MSL2: variants seen among roughly 807,000 people sequenced by gnomAD.
MSL2 encodes the protein MSL complex subunit 2.
A neutral mutation model predicts 35.8 loss-of-function variants in MSL2; 2 were observed. That is an observed-to-expected ratio of 0.06 (90% CI 0.02 to 0.18). The LOEUF (loss-of-function observed/expected upper bound fraction) is 0.18, where lower values mean the gene tolerates loss of function less well. Among genes scored for constraint, MSL2 ranks in the 10% least tolerant of loss-of-function variants. The probability of loss-of-function intolerance (pLI) is 1.00; values close to 1 mark genes in which losing one functional copy is unlikely to be tolerated. For missense variants in MSL2, 523 were observed against 706.7 expected (o/e 0.74, Z 2.95); for synonymous variants, 296 against 255.7 (o/e 1.16, Z -1.50).
chr3:136,175,161 T>G (rs766973537), intron 1 of MSL2, among the ~76,000 whole-genome samples: 8 of 151,960 alleles, frequency 5.3e-5, no homozygotes, highest in Non-Finnish European at 1.0e-4. Flanking sequence ...CTGACCAACA[T>G]GGTGAAACCC....
intron 1 of MSL2, among the ~76,000 whole-genome samples, chr3:136,189,167 C>T (rs1021731032): frequency 2.2e-4 from 30 of 135,830 alleles, no homozygotes; most frequent in African/African-American, 8.6e-4. Flanking sequence ...GAGCATGGTA[C>T]CGCACGCCTA....
intron 1 of MSL2, among the ~76,000 whole-genome samples, chr3:136,169,758 G>A (rs533481492): frequency 2.7e-4 from 41 of 151,166 alleles, no homozygotes; most frequent in Admixed American, 1.8e-3. Context: ...CAGCCTCTAC[G>A]TGTTTTGAAA....
At chr3:136,186,073 G>A (rs751583251) in intron 1 of MSL2, among the ~76,000 whole-genome samples, 4 of 152,070 alleles carry the variant, frequency 2.6e-5, no homozygotes, top group Admixed American at 1.3e-4. Flanking sequence ...TCTTTAACTA[G>A]GCTATCCTTA....
chr3:136,175,073 T>C (rs1940133852), intron 1 of MSL2, among the ~76,000 whole-genome samples: 2 of 152,136 alleles, frequency 1.3e-5, no homozygotes, highest in African/African-American at 4.8e-5. Context: ...TGGCTGGGCA[T>C]GGTGGCTCAC....
At chr3:136,154,448 A>G (rs1939459179) in intron 1 of MSL2, among the ~76,000 whole-genome samples, 1 of 152,202 alleles carries the variant, frequency 6.6e-6, no homozygotes, top group Non-Finnish European at 1.5e-5. Flanking sequence ...TACTCTCCAA[A>G]GCTGCAACTG....
intron 1 of MSL2, among the ~76,000 whole-genome samples, chr3:136,180,925 G>C (rs1478526297): frequency 6.6e-6 from 1 of 151,476 alleles, no homozygotes; most frequent in African/African-American, 2.4e-5. Flanking sequence ...GCAGAGGAGG[G>C]TGGATCATCT....
At position 136,151,728 on chromosome 3, in the gene MSL2, T is replaced by C. The variant is rs1275461480; in HGVS notation, c.1153A>G (p.Ile385Val). 3 of 1,614,030 alleles carry C rather than the reference T, an allele frequency of 1.9e-6. No homozygotes were observed. Among genetic ancestry groups the C allele is most frequent in the African/African-American group, 2.7e-5 (2 of 74,922 alleles). ...GTGCCTCCATTGGGAACAGTTGCTA[T>C]AGGTTGAAGAGAAATTTTGCTCTCC... The part of the protein sequence containing the change: ...KRESKISLQP[I>V]ATVPNGGTTP... Residue 385 changes from isoleucine to valine, a missense_variant, in exon 2 of 2, where the codon ATA (isoleucine) becomes GTA (valine). By Grantham distance (29) the Ile-to-Val change is conservative. This residue lies in a region of MSL2 where 361 missense variants were observed against 414.6 expected (regional missense o/e 0.87). Coordinates refer to ENST00000309993, the MANE Select transcript of MSL2 (RefSeq NM_018133.4). This position sits in a 1 kb window ranked among gnomAD's most constrained non-coding sequence, Gnocchi z 5.2.
rs146384161 is a variant in MSL2, at chr3:136,152,186, G to A, written c.695C>T (p.Ser232Phe). 3 of 1,614,144 alleles carry A rather than the reference G, an allele frequency of 1.9e-6. No homozygotes were observed. The highest frequency in any genetic ancestry group is 2.5e-6 in the Non-Finnish European group (3 of 1,180,002). ...NTVDIKTEDLSDSLPPVCDTV... is the reference protein window; with the variant it reads ...NTVDIKTEDLFDSLPPVCDTV... ...GTCACAAACGGGTGGCAGGCTGTCA[G>A]ACAGATCCTCAGTTTTTATGTCAAC... Residue 232 changes from serine (S) to phenylalanine (F), a missense_variant, in exon 2 of 2, where the codon TCT becomes TTT. Transcript: ENST00000309993.
At chr3:136,192,226 G>GCAA (rs1481015038) in intron 1 of MSL2, among the ~76,000 whole-genome samples, 3 of 152,172 alleles carry the variant, frequency 2.0e-5, no homozygotes, top group Admixed American at 6.5e-5. Flanking sequence ...AGTCTGGAGT[G>GCAA]CAGTGGTGCG....
At chr3:136,194,564 C>T in intron 1 of MSL2, 2 of 497,860 alleles carry the variant, frequency 4.0e-6, no homozygotes, top group Non-Finnish European at 5.2e-6. Flanking sequence ...TGGGGAAATG[C>T]AAACACGCCA....
intron 1 of MSL2, among the ~76,000 whole-genome samples, chr3:136,161,932 A>G (rs1318880899): frequency 1.3e-5 from 2 of 151,892 alleles, no homozygotes; most frequent in Non-Finnish European, 2.9e-5. Flanking sequence ...AAAAAAATAC[A>G]TATATATGCA....
At chr3:136,176,237 G>C (rs1017715724) in intron 1 of MSL2, among the ~76,000 whole-genome samples, 1 of 152,122 alleles carries the variant, frequency 6.6e-6, no homozygotes, top group Non-Finnish European at 1.5e-5. Flanking sequence ...TGGCCGGCTG[G>C]GTGTGGTGGC....
intron 1 of MSL2, among the ~76,000 whole-genome samples, chr3:136,189,795 C>A (rs1940631850): frequency 6.6e-6 from 1 of 151,588 alleles, no homozygotes; most frequent in African/African-American, 2.4e-5. Flanking sequence ...TAAAATAGAC[C>A]CTGTTTTAAC....
At chr3:136,186,567 G>C in intron 1 of MSL2, among the ~76,000 whole-genome samples, 1 of 152,158 alleles carries the variant, frequency 6.6e-6, no homozygotes, top group East Asian at 1.9e-4. Flanking sequence ...AGTGGCATTA[G>C]ACTCTCATAG....
intron 1 of MSL2, among the ~76,000 whole-genome samples, chr3:136,181,981 GAAA>G (rs1052502228): frequency 2.0e-5 from 3 of 150,514 alleles, no homozygotes; most frequent in South Asian, 4.2e-4. Flanking sequence ...GTGGGCTGAA[GAAA>G]AAAAAATTTT....
At chr3:136,184,102 T>G (rs1446320374) in intron 1 of MSL2, among the ~76,000 whole-genome samples, 2 of 151,594 alleles carry the variant, frequency 1.3e-5, no homozygotes, top group African/African-American at 4.9e-5. Context: ...GAGACCATCC[T>G]GGCTAACACG....
rs894658233 is a variant in MSL2, at chr3:136,151,878, T to A, written c.1003A>T (p.Ile335Leu). The stretch of plus-strand genomic sequence containing the variant: ...GATCGTTTTCTATTCAATTTTGCTA[T>A]CTTCGGAGTTGCTGCTGTACATGAT... Reference protein sequence around the residue: ...GLSCTAATPKIAKLNRKRSRS... With the variant: ...GLSCTAATPKLAKLNRKRSRS... The change falls in exon 2 of 2, where the codon ATA becomes TTA. Residue 335 changes from isoleucine (I) to leucine (L), a missense_variant. Around this residue, in one of 5 missense-constraint regions of MSL2, gnomAD observed 361 missense variants for 414.6 expected, o/e 0.87. Transcript: ENST00000309993. The surrounding 1 kb of genome is among the most constrained non-coding windows in gnomAD (Gnocchi z 5.2). 2 of 1,614,184 alleles carry A rather than the reference T, an allele frequency of 1.2e-6. No individual in the cohort carries two copies. The highest frequency in any genetic ancestry group is 8.5e-7 in the Non-Finnish European group (1 of 1,180,032).
intron 1 of MSL2, among the ~76,000 whole-genome samples, chr3:136,175,240 A>C (rs1940140260): frequency 6.6e-6 from 1 of 151,908 alleles, no homozygotes; most frequent in Admixed American, 6.6e-5. Flanking sequence ...GCTATTCAGG[A>C]GGCTGAGGCA....
Position 136,150,954 on chromosome 3 carries a change from T to C in MSL2, c.*193A>G, listed in dbSNP as rs1209660351. The C allele has an allele frequency of 1.7e-6, 1 of 592,400 alleles. No individual in the cohort carries two copies. Among genetic ancestry groups the C allele is most frequent in the Non-Finnish European group, 3.0e-6 (1 of 338,652 alleles). 36.7% of individuals were successfully genotyped at this position (592,400 alleles called of 1,614,324 possible). On this transcript the variant is annotated 3_prime_UTR_variant, in exon 2 of 2. Coordinates refer to ENST00000309993, the MANE Select transcript of MSL2 (RefSeq NM_018133.4). Reference sequence around the variant, plus strand: ...TGAGGTTCTGTAAGAACTAAGGACATATAGTTGTAGGGTTACTCCTCCATT... The same window carrying C: ...TGAGGTTCTGTAAGAACTAAGGACACATAGTTGTAGGGTTACTCCTCCATT...
Sources: allele counts gnomAD v4.1 joint callset (sites outside exome capture counted in the v4.1 genomes callset), GRCh38; gene constraint gnomAD v4.1.1; regional missense constraint gnomAD v4.1.1; non-coding constraint Gnocchi (gnomAD v3.1); transcripts MANE v1.5; gene names NCBI Gene and HGNC (gene_info 2026-07-23, HGNC 2026-07-21).